SGIP1: variants seen among roughly 807,000 people sequenced by gnomAD.
SGIP1 encodes the protein SH3-containing GRB2-like protein 3-interacting protein 1.
A neutral mutation model predicts 107.5 loss-of-function variants in SGIP1; 38 were observed. The observed-to-expected ratio is 0.35, with a 90% CI of 0.27 to 0.46. The LOEUF is 0.46. Ranked by LOEUF, SGIP1 falls within the 20% of genes least tolerant of loss-of-function variation. The pLI, the probability that SGIP1 is intolerant of heterozygous loss-of-function variation, is 1.00. For missense variants in SGIP1, 929 were observed against 1,019.5 expected, an observed-to-expected ratio of 0.91 and a Z score of 1.21; for synonymous variants, 365 against 366.1, an observed-to-expected ratio of 1.00 and a Z score of 0.03.
rs553779321 is a variant in SGIP1 at position 66,742,657 on chromosome 1, G to A, written c.2465-416G>A. ...GCTAATTTTTTGTATTTTTAGTAGA[G>A]ACGGGGTTTCACCGTGTTAGCCAGG... On this transcript the variant is annotated intron_variant, in intron 24 of 24. Coordinates refer to ENST00000371037, the MANE Select transcript of SGIP1 (RefSeq NM_032291.4). Among the ~76,000 whole-genome samples, 16 of 149,362 alleles carry A rather than the reference G, an allele frequency of 1.1e-4. No individual in the cohort carries two copies. In the South Asian group the frequency reaches 3.0e-3, roughly 28 times the overall value.
intron 1 of SGIP1, among the ~76,000 whole-genome samples, chr1:66,603,303 G>T (rs1213387550): frequency 6.6e-6 from 1 of 152,038 alleles, no homozygotes; most frequent in Non-Finnish European, 1.5e-5. Context: ...GTGTACTAGG[G>T]TTATATAGAA....
At chr1:66,583,666 C>G (rs1341813249) in intron 1 of SGIP1, among the ~76,000 whole-genome samples, 1 of 152,120 alleles carries the variant, frequency 6.6e-6, no homozygotes, top group Non-Finnish European at 1.5e-5. Flanking sequence ...CCTTCCTATT[C>G]CCCATTTATT....
intron 1 of SGIP1, among the ~76,000 whole-genome samples, chr1:66,545,812 A>C (rs914265638): frequency 6.6e-6 from 1 of 152,142 alleles, no homozygotes; most frequent in African/African-American, 2.4e-5. Context: ...GTGAAGTCTT[A>C]AGATAAAATG....
At chr1:66,672,106 C>A in intron 11 of SGIP1, 111 bp downstream of exon 11, 1 of 941,242 alleles carries the variant, frequency 1.1e-6, no homozygotes, top group Non-Finnish European at 1.7e-6. Flanking sequence ...AAGGCTCTAC[C>A]AAAACATGTC....
At position 66,673,350 on chromosome 1, in the gene SGIP1, T is replaced by C. The variant is rs772709190; in HGVS notation, c.630T>C (p.Asp210=). ...GCCCACCACTAGAATCAGCTTTTGA[T>C]GAACAGAAGACAGAAGGTAGGAAAA... The part of the protein sequence containing the change: ...LFGPPLESAF[D]EQKTEVLLDQ... The change falls in exon 12 of 25, where the codon GAT becomes GAC. Residue 210 remains aspartate (D), a synonymous_variant. Coordinates refer to ENST00000371037, the MANE Select transcript of SGIP1 (RefSeq NM_032291.4). 36 of 1,610,854 alleles carry C rather than the reference T, an allele frequency of 2.2e-5. No homozygotes were observed. In the South Asian group the frequency reaches 3.1e-4, roughly 14 times the overall value.
chr1:66,545,458 C>G (rs982967365), intron 1 of SGIP1, among the ~76,000 whole-genome samples: 1 of 152,166 alleles, frequency 6.6e-6, no homozygotes, highest in Admixed American at 6.6e-5. Flanking sequence ...CCAGCTTAAA[C>G]CTGTGTGTGT....
Position 66,729,361 on chromosome 1 carries a change from C to A in SGIP1, c.1840C>A (p.Arg614=). The change falls in exon 20 of 25, where the codon CGG becomes AGG. Residue 614 remains arginine (R), a synonymous_variant. Transcript: ENST00000371037. ...NNPSPAALTF[R]VINFSRLEHV... is the part of the protein sequence containing the mutation. Reference sequence around the variant, plus strand: ...CCCGTCCCCAGCTGCTCTGACTTTTCGGGTGATAAATTTCAGCAGGTTAGA... The same window carrying A: ...CCCGTCCCCAGCTGCTCTGACTTTTAGGGTGATAAATTTCAGCAGGTTAGA... The A allele has an allele frequency of 1.2e-6, 2 of 1,614,094 alleles. No individual in the cohort carries two copies. Among genetic ancestry groups the A allele is most frequent in the Non-Finnish European group, 1.7e-6 (2 of 1,180,000 alleles).
In SGIP1 at chr1:66,543,289, T is replaced by C. The variant is rs531605154; in HGVS notation, c.10+8921T>C. On this transcript the variant is annotated intron_variant, in intron 1 of 24. Coordinates refer to ENST00000371037, the MANE Select transcript of SGIP1 (RefSeq NM_032291.4). ...CACCACGAACAAAAGCCCTTTTTTT[T>C]CCCTGAGGAGGACAGCTCGGTGTTC... is the stretch of plus-strand genomic sequence containing the variant. 3.9e-5 allele frequency among the ~76,000 whole-genome samples: 6 copies of C among 152,324 alleles called. No individual in the cohort carries two copies. In the East Asian group the frequency reaches 1.2e-3, roughly 29 times the overall value.
rs1553278825 is a variant in SGIP1, at chr1:66,643,727, T to TGTG, written c.459+8_459+9insGTG. 1 of 1,586,964 alleles carries TGTG rather than the reference T, an allele frequency of 6.3e-7. No individual in the cohort carries two copies. Among genetic ancestry groups the TGTG allele is most frequent in the South Asian group, 1.2e-5 (1 of 86,458 alleles). ...CTTTCCCCATCACCAGTGGTGAGTG[T>TGTG]TGTGTGTGTGTGTGTTAAGCTTTAG... On this transcript the variant is annotated intron_variant, in intron 7 of 24. Transcript: ENST00000371037.
intron 8 of SGIP1, chr1:66,666,414 C>A: frequency 5.8e-6 from 1 of 172,866 alleles, no homozygotes; most frequent in South Asian, 1.1e-4. Context: ...GTGATGCCTC[C>A]AGCTTTGTTC....
chr1:66,611,579 A>G (rs966201955), intron 1 of SGIP1, among the ~76,000 whole-genome samples: 1 of 152,240 alleles, frequency 6.6e-6, no homozygotes, highest in Non-Finnish European at 1.5e-5. Flanking sequence ...CTGAAGTGGT[A>G]AAGTATCTGA....
Position 66,712,270 on chromosome 1 carries a change from T to C in SGIP1, c.1631-7024T>C, listed in dbSNP as rs146862113. On this transcript the variant is annotated intron_variant, in intron 18 of 24. Coordinates refer to ENST00000371037, the MANE Select transcript of SGIP1 (RefSeq NM_032291.4). ...CCCTGAGGGAGCCACTAGTTTGACA[T>C]AAATTCACATTAAATGTAAAAACCA... Among the ~76,000 whole-genome samples the C allele has an allele frequency of 4.6e-5, 7 of 152,286 alleles. No homozygotes were observed. The East Asian group carries it at 1.4e-3, about 29-fold the overall frequency.
chr1:66,687,606 C>T (rs781255931), intron 15 of SGIP1, among the ~76,000 whole-genome samples: 2 of 152,138 alleles, frequency 1.3e-5, no homozygotes, highest in East Asian at 1.9e-4. Context: ...CATTTAAGAG[C>T]GTGAGCTTTG....
chr1:66,536,978 A>G (rs2053769308), intron 1 of SGIP1, among the ~76,000 whole-genome samples: 1 of 152,178 alleles, frequency 6.6e-6, no homozygotes, highest in African/African-American at 2.4e-5. Context: ...GTCATAGTAA[A>G]CTACGTTTTG....
At chr1:66,737,328 G>A (rs151260189) in intron 21 of SGIP1, among the ~76,000 whole-genome samples, 143 of 151,918 alleles carry the variant, frequency 9.4e-4, no homozygotes, top group African/African-American at 2.7e-3. Context: ...TTTCATTTCC[G>A]TATTTGTTAT....
intron 4 of SGIP1, among the ~76,000 whole-genome samples, chr1:66,639,153 G>T (rs756204606): frequency 6.6e-6 from 1 of 152,154 alleles, no homozygotes; most frequent in Non-Finnish European, 1.5e-5. Flanking sequence ...TCACATGGGT[G>T]ACAAAAATCC....
At chr1:66,672,574 C>T (rs775614010) in intron 11 of SGIP1, among the ~76,000 whole-genome samples, 7 of 152,116 alleles carry the variant, frequency 4.6e-5, no homozygotes, top group East Asian at 3.8e-4. Context: ...ACCCCTTGCC[C>T]GTTACCATAC....
chr1:66,722,227 G>A (rs1189897713), intron 19 of SGIP1, among the ~76,000 whole-genome samples: 2 of 152,080 alleles, frequency 1.3e-5, no homozygotes, highest in Non-Finnish European at 2.9e-5. Context: ...GGTTCTGAGT[G>A]ACTTGTCCCC....
At chr1:66,581,224 C>G (rs1365053607) in intron 1 of SGIP1, among the ~76,000 whole-genome samples, 1 of 152,040 alleles carries the variant, frequency 6.6e-6, no homozygotes, top group African/African-American at 2.4e-5. Flanking sequence ...CAGCATAGTA[C>G]AGTGGTTTAA....
Sources: gnomAD v4.1 joint callset for allele counts (sites outside exome capture counted in the v4.1 genomes callset) on GRCh38, gnomAD v4.1.1 for gene constraint, MANE v1.5 for transcripts, NCBI Gene and HGNC (gene_info 2026-07-23, HGNC 2026-07-21) for gene names.